Variants in SLC9C2 observed in about 807,000 individuals in gnomAD.
SLC9C2 encodes the protein sodium/hydrogen exchanger 11.
A neutral mutation model predicts 140.2 loss-of-function variants in SLC9C2; 75 were observed. The observed-to-expected ratio is 0.53, with a 90% confidence interval of 0.44 to 0.65. SLC9C2 has a LOEUF of 0.65. Among genes scored for constraint, SLC9C2 ranks in the 30% least tolerant of loss-of-function variants. SLC9C2 has a pLI of 0.00. For missense variants in SLC9C2, 1,074 were observed against 1,331.8 expected, an observed-to-expected ratio of 0.81 and a Z score of 3.01; for synonymous variants, 375 against 420.9, an observed-to-expected ratio of 0.89 and a Z score of 1.34.
In SLC9C2 at chr1:173,535,925, T is replaced by C. The variant is rs1661918978; in HGVS notation, c.1680A>G (p.Ser560=). 1 of 1,504,918 alleles carries C rather than the reference T, an allele frequency of 6.6e-7. No homozygotes were observed. The allele number at this position is 1,504,918 out of a possible 1,614,324, so 93.2% of individuals were successfully genotyped here. A position where few individuals can be genotyped will look rare whatever the true frequency, so the allele number is the denominator to read the frequency against. ...GCCAACTTCTAGTTCTCATATAAGTTGAAACATCATAAATACTCATGAATC... is the reference window on the plus strand; with the variant it reads ...GCCAACTTCTAGTTCTCATATAAGTCGAAACATCATAAATACTCATGAATC... ...QGKFMSIYDV[S]TYMRTRSWLI... The change falls in exon 15 of 28, where the codon TCA becomes TCG. Residue 560 remains serine, a synonymous_variant. Coordinates refer to ENST00000367714, the MANE Select transcript of SLC9C2 (RefSeq NM_178527.4).
At chr1:173,585,399 A>G (rs1455378649) in intron 5 of SLC9C2, among the ~76,000 whole-genome samples, 7 of 152,216 alleles carry the variant, frequency 4.6e-5, no homozygotes, top group African/African-American at 1.4e-4. Context: ...ATAATGTATT[A>G]TGACTATTTT....
chr1:173,545,594 C>T (rs1053048139), intron 13 of SLC9C2, among the ~76,000 whole-genome samples: 1 of 152,142 alleles, frequency 6.6e-6, no homozygotes, highest in African/African-American at 2.4e-5. Context: ...AGAAGACTCA[C>T]ACTTCAGGAG....
At chr1:173,594,673 A>G (rs1189187601) in intron 4 of SLC9C2, among the ~76,000 whole-genome samples, 1 of 152,224 alleles carries the variant, frequency 6.6e-6, no homozygotes, top group Non-Finnish European at 1.5e-5. Context: ...GTAATAAAAT[A>G]TAAGATGAGA....
At chr1:173,527,310 TA>T (rs1375372089) in intron 18 of SLC9C2, among the ~76,000 whole-genome samples, 1 of 152,204 alleles carries the variant, frequency 6.6e-6, no homozygotes, top group African/African-American at 2.4e-5. Context: ...CTTGCATAAC[TA>T]CCTTGCCTAA....
intron 9 of SLC9C2, among the ~76,000 whole-genome samples, chr1:173,561,245 A>C (rs1184227554): frequency 6.6e-6 from 1 of 152,228 alleles, no homozygotes; most frequent in African/African-American, 2.4e-5. Context: ...TTGAGACTTC[A>C]AACAGCAAGT....
intron 24 of SLC9C2, 76 bp from the exon 25 acceptor site, chr1:173,507,117 A>G (rs1263582316): frequency 8.7e-7 from 1 of 1,147,436 alleles, no homozygotes; most frequent in Non-Finnish European, 1.2e-6. Flanking sequence ...AGATTTACTG[A>G]TCTATCTGAA....
At chr1:173,517,962 T>C (rs537144030) in intron 22 of SLC9C2, among the ~76,000 whole-genome samples, 63 of 152,230 alleles carry the variant, frequency 4.1e-4, no homozygotes, top group African/African-American at 1.4e-3. Flanking sequence ...ACCTGTCTTA[T>C]ACAAAAATCC....
At chr1:173,588,019 T>C (rs950579091) in intron 4 of SLC9C2, among the ~76,000 whole-genome samples, 189 bp from the exon 5 acceptor site, 43 of 152,346 alleles carry the variant, frequency 2.8e-4, no homozygotes, top group Non-Finnish European at 4.0e-4. Context: ...AGCAAGATTC[T>C]ACCTTATTAT....
At chr1:173,586,683 G>A (rs1665868144) in intron 5 of SLC9C2, among the ~76,000 whole-genome samples, 1 of 152,168 alleles carries the variant, frequency 6.6e-6, no homozygotes, top group South Asian at 2.1e-4. Context: ...TAAACACCAT[G>A]GAACACTATG....
rs762586831 is a variant in SLC9C2 at position 173,581,888 on chromosome 1, A to C, written c.761T>G (p.Ile254Ser). Residue 254 changes from isoleucine to serine, a missense_variant, in exon 7 of 28, where the codon ATC becomes AGC. Transcript: ENST00000367714. Reference protein sequence around the residue: ...ADVFSNMLTNIILCFSMVYMT... With the variant: ...ADVFSNMLTNSILCFSMVYMT... ...GTACACCATTGAAAAGCAGAGAATGATATTAGTCAGCATATTGCTAAAAAC... is the reference window on the plus strand; with the variant it reads ...GTACACCATTGAAAAGCAGAGAATGCTATTAGTCAGCATATTGCTAAAAAC... The C allele has an allele frequency of 6.2e-7, 1 of 1,601,562 alleles. No individual in the cohort carries two copies. The highest frequency in any genetic ancestry group is 1.7e-5 in the Admixed American group (1 of 59,630).
At chr1:173,533,199 A>G (rs1206090088) in intron 17 of SLC9C2, among the ~76,000 whole-genome samples, 1 of 152,162 alleles carries the variant, frequency 6.6e-6, no homozygotes, top group Non-Finnish European at 1.5e-5. Context: ...TTTCAAAACA[A>G]TGAGGTTTCT....
chr1:173,568,374 A>T (rs1000281196), intron 9 of SLC9C2, among the ~76,000 whole-genome samples: 7 of 150,822 alleles, frequency 4.6e-5, no homozygotes, highest in African/African-American at 1.7e-4. Context: ...AAGTTATAAC[A>T]TGTAGTGTTT....
intron 11 of SLC9C2, among the ~76,000 whole-genome samples, chr1:173,552,622 C>T (rs965414513): frequency 6.6e-6 from 1 of 152,130 alleles, no homozygotes; most frequent in African/African-American, 2.4e-5. Flanking sequence ...GCCTGGATGA[C>T]AGCACATCTC....
chr1:173,536,062 A>C, intron 14 of SLC9C2, 113 bp from the exon 15 acceptor site: 1 of 922,396 alleles, frequency 1.1e-6, no homozygotes, highest in Non-Finnish European at 1.5e-6. Context: ...CCCACCAAAT[A>C]AGCTCAGTCT....
At chr1:173,537,526 C>T (rs1662059857) in intron 13 of SLC9C2, among the ~76,000 whole-genome samples, 2 of 152,048 alleles carry the variant, frequency 1.3e-5, no homozygotes, top group Non-Finnish European at 2.9e-5. Context: ...CATGCCATTG[C>T]ACTCCAGTCT....
At chr1:173,583,833 C>T (rs968016665) in intron 5 of SLC9C2, among the ~76,000 whole-genome samples, 1 of 152,152 alleles carries the variant, frequency 6.6e-6, no homozygotes, top group African/African-American at 2.4e-5. Flanking sequence ...AGAAACATGG[C>T]GATAGCACTG....
chr1:173,550,900 G>GAGAGAGAC (rs1325263449), intron 11 of SLC9C2, among the ~76,000 whole-genome samples: 40 of 141,424 alleles, frequency 2.8e-4, no homozygotes, highest in Non-Finnish European at 5.4e-4. Flanking sequence ...GAGAGAGAGA[G>GAGAGAGAC]AGAGAGAGAA....
At chr1:173,537,578 G>A (rs1388543301) in intron 13 of SLC9C2, among the ~76,000 whole-genome samples, 12 of 144,516 alleles carry the variant, frequency 8.3e-5, no homozygotes. Context: ...TTATATGTGT[G>A]TGTGTATATA....
At chr1:173,514,164 G>A (rs6700517) in intron 23 of SLC9C2, among the ~76,000 whole-genome samples, 46,658 of 151,962 alleles carry the variant, frequency 0.31, 9,752 homozygotes, top group African/African-American at 0.6. Context: ...TTCTGTAGAT[G>A]TCTATTAGTT....
Sources: allele counts gnomAD v4.1 joint callset (sites outside exome capture counted in the v4.1 genomes callset), GRCh38; gene constraint gnomAD v4.1.1; transcripts MANE v1.5; gene names NCBI Gene and HGNC (gene_info 2026-07-23, HGNC 2026-07-21).